The following TMEM154 variants were observed in gnomAD, a reference collection of about 807,000 sequenced individuals.
TMEM154 encodes the protein transmembrane protein 154.
A neutral mutation model predicts 24.5 loss-of-function variants in TMEM154; 27 were observed. The ratio of observed to expected loss-of-function variants is 1.10; its 90% CI spans 0.81 to 1.52. The LOEUF (loss-of-function observed/expected upper bound fraction) is 1.52. Among genes scored for constraint, TMEM154 ranks in the 40% most tolerant of loss-of-function variants. The pLI is 0.00. For missense variants in TMEM154, 228 were observed against 213.4 expected, an observed-to-expected ratio of 1.07 and a Z score of -0.43; for synonymous variants, 67 against 76.8, an observed-to-expected ratio of 0.87 and a Z score of 0.67.
intron 1 of TMEM154, among the ~76,000 whole-genome samples, chr4:152,676,305 G>T (rs1423961611): frequency 6.6e-6 from 1 of 152,138 alleles, no homozygotes; most frequent in Admixed American, 6.6e-5. Context: ...GTTCTGTGCT[G>T]CACCTACAGC....
intron 1 of TMEM154, among the ~76,000 whole-genome samples, chr4:152,670,542 C>A (rs1215381252): frequency 6.6e-6 from 1 of 152,052 alleles, no homozygotes; most frequent in Non-Finnish European, 1.5e-5. Context: ...GTTGCAGGAG[C>A]AGAGATTGCA....
intron 1 of TMEM154, among the ~76,000 whole-genome samples, chr4:152,671,746 CAAAAAAAAAAA>C (rs10670541): frequency 3.0e-5 from 2 of 66,756 alleles, no homozygotes; most frequent in East Asian, 4.6e-4. Context: ...GACTCCGTCT[CAAAAAAAAAAA>C]AAAAAAAAAA....
rs994908657 is a variant in TMEM154, at chr4:152,624,683, A to G, written c.*3863T>C. 2 of 152,234 alleles carry G rather than the reference A, an allele frequency of 1.3e-5. No individual in the cohort carries two copies. Among genetic ancestry groups the G allele is most frequent in the Non-Finnish European group, 2.9e-5 (2 of 68,042 alleles). 9.4% of individuals were successfully genotyped at this position (152,234 alleles called of 1,614,324 possible). On this transcript the variant is annotated 3_prime_UTR_variant, in exon 7 of 7. Transcript: ENST00000304385. Reference sequence around the variant, plus strand: ...AAATAAAACTTTGGTGCCAGACAAGACAGTATCAAGATAAAGCCAAAGAGT... The same window carrying G: ...AAATAAAACTTTGGTGCCAGACAAGGCAGTATCAAGATAAAGCCAAAGAGT...
Position 152,628,072 on chromosome 4 carries a change from T to C in TMEM154, c.*474A>G, listed in dbSNP as rs76127366. On this transcript the variant is annotated 3_prime_UTR_variant, in exon 7 of 7. Coordinates refer to ENST00000304385, the MANE Select transcript of TMEM154 (RefSeq NM_152680.3). Reference sequence around the variant, plus strand: ...CTCCTCGAGAAAAGTTCCTGCTGAATGTAGTTTACCTGTCCCACGACTTGA... The same window carrying C: ...CTCCTCGAGAAAAGTTCCTGCTGAACGTAGTTTACCTGTCCCACGACTTGA... The C allele has an allele frequency of 9.9e-3, 1,668 of 167,852 alleles. 28 individuals carry two copies. Among genetic ancestry groups the C allele is most frequent in the African/African-American group, 0.038 (1,580 of 41,738 alleles). The allele number at this position is 167,852 out of a possible 1,614,324, so 10.4% of individuals were successfully genotyped here.
intron 4 of TMEM154, among the ~76,000 whole-genome samples, 199 bp downstream of exon 4, chr4:152,644,216 C>G (rs1280730499): frequency 1.3e-5 from 2 of 152,146 alleles, no homozygotes; most frequent in Non-Finnish European, 2.9e-5. Flanking sequence ...CTGTCTTTGC[C>G]CAGATCACAC....
intron 1 of TMEM154, among the ~76,000 whole-genome samples, chr4:152,671,031 T>A (rs1199659277): frequency 6.6e-6 from 1 of 152,150 alleles, no homozygotes; most frequent in African/African-American, 2.4e-5. Context: ...GAGGAAGACA[T>A]TCATTGCATT....
intron 6 of TMEM154, among the ~76,000 whole-genome samples, chr4:152,632,137 C>T (rs934451335): frequency 6.6e-6 from 1 of 152,130 alleles, no homozygotes; most frequent in African/African-American, 2.4e-5. Context: ...TGATTTCTGA[C>T]TTGTGTGTCA....
At chr4:152,633,995 C>T (rs1283946820) in intron 6 of TMEM154, among the ~76,000 whole-genome samples, 1 of 131,760 alleles carries the variant, frequency 7.6e-6, no homozygotes, top group Non-Finnish European at 1.6e-5. Flanking sequence ...CACCACTGCA[C>T]TCTAGTCGTC....
At chr4:152,631,357 A>G (rs1355928363) in intron 6 of TMEM154, among the ~76,000 whole-genome samples, 1 of 152,214 alleles carries the variant, frequency 6.6e-6, no homozygotes, top group Non-Finnish European at 1.5e-5. Context: ...AACCTTTTAC[A>G]AAGCTTAGTT....
In TMEM154 at chr4:152,620,037, G is replaced by A. The variant is rs1409774655; in HGVS notation, c.*8509C>T. ...CACTTGAGCTCAGGCTGAATCCCAAGCAATGCTGATTTTGCTGTTCTCCAC... is the reference window on the plus strand; with the variant it reads ...CACTTGAGCTCAGGCTGAATCCCAAACAATGCTGATTTTGCTGTTCTCCAC... On this transcript the variant is annotated 3_prime_UTR_variant, in exon 7 of 7. Transcript: ENST00000304385. 1 of 152,216 alleles carries A rather than the reference G, an allele frequency of 6.6e-6. No individual in the cohort carries two copies. The highest frequency in any genetic ancestry group is 1.9e-4 in the East Asian group (1 of 5,198). 9.4% of individuals were successfully genotyped at this position (152,216 alleles called of 1,614,324 possible).
chr4:152,654,552 A>G (rs559945243), intron 1 of TMEM154, among the ~76,000 whole-genome samples: 1 of 152,306 alleles, frequency 6.6e-6, no homozygotes, highest in Admixed American at 6.5e-5. Context: ...CCTCAATGTG[A>G]TGGATTAGGG....
In TMEM154 at chr4:152,629,696, A is replaced by G. The variant is rs79150431; in HGVS notation, c.537-1135T>C. Among the ~76,000 whole-genome samples the G allele has an allele frequency of 2.5e-3, 376 of 152,278 alleles. 1 individual carries two copies. The highest frequency in any genetic ancestry group is 8.6e-3 in the African/African-American group (359 of 41,556). On this transcript the variant is annotated intron_variant, in intron 6 of 6. Coordinates refer to ENST00000304385, the MANE Select transcript of TMEM154 (RefSeq NM_152680.3). ...GATCTGGTATCTCCCTCGCTCATAG[A>G]TGTGGATAGTCTGCAATAGGTGATA...
In TMEM154 at chr4:152,652,573, G is replaced by A. The variant is rs761135437; in HGVS notation, c.329C>T (p.Pro110Leu). Residue 110 changes from proline (P) to leucine (L), a missense_variant, in exon 3 of 7, where the codon CCT (proline) becomes CTT (leucine). Pro to Leu is a moderately conservative substitution (Grantham distance 98). Coordinates refer to ENST00000304385, the MANE Select transcript of TMEM154 (RefSeq NM_152680.3). ...YYKRKRTKQE[P>L]SSQGSQSALQ... The stretch of plus-strand genomic sequence containing the variant: ...AGCACTCTGAGATCCTTGGCTAGAA[G>A]GTTCTGTATCAAAGCAAAGAATATT... 16 of 1,613,812 alleles carry A rather than the reference G, an allele frequency of 9.9e-6. No individual in the cohort carries two copies. The South Asian group carries it at 1.5e-4, about 16-fold the overall frequency.
chr4:152,675,310 A>T (rs773067129), intron 1 of TMEM154, among the ~76,000 whole-genome samples: 3 of 152,106 alleles, frequency 2.0e-5, no homozygotes, highest in African/African-American at 4.8e-5. Flanking sequence ...AGGGAAAAAA[A>T]CCCAAAGCAC....
intron 1 of TMEM154, 80 bp downstream of exon 1, chr4:152,679,790 C>T: frequency 1.3e-6 from 2 of 1,545,868 alleles, no homozygotes; most frequent in Non-Finnish European, 1.8e-6. Context: ...TCACCCTCCC[C>T]GGCAGAGTTC....
Position 152,632,770 on chromosome 4 carries a change from C to T in TMEM154, c.537-4209G>A, listed in dbSNP as rs184517941. On this transcript the variant is annotated intron_variant, in intron 6 of 6. Coordinates refer to ENST00000304385, the MANE Select transcript of TMEM154 (RefSeq NM_152680.3). ...GCTTTTTTAGCATAGTAGATAAGAG[C>T]CCTGGGTCAGTTGTCCTGAGTCTGA... Among the ~76,000 whole-genome samples, 7 of 152,220 alleles carry T rather than the reference C, an allele frequency of 4.6e-5. No homozygotes were observed. The East Asian group carries it at 1.2e-3, about 25-fold the overall frequency.
chr4:152,634,050 A>AG (rs1752101683), intron 6 of TMEM154, among the ~76,000 whole-genome samples: 1 of 151,226 alleles, frequency 6.6e-6, no homozygotes, highest in Non-Finnish European at 1.5e-5. Flanking sequence ...AAAAAAAAAA[A>AG]AAAAAAAGAA....
rs761025435 is a variant in TMEM154 at position 152,646,975 on chromosome 4, AAT to A, written c.365-2535_365-2534del. ...AGACCTCACACATCAAGACACTGCA[AAT>A]TTCATACCAGGAGGTCTAGGAAGAA... On this transcript the variant is annotated intron_variant, in intron 3 of 6. Transcript: ENST00000304385. 3.2e-5 allele frequency: 23 copies of A among 708,264 alleles called. No individual in the cohort carries two copies. The South Asian group carries it at 3.2e-4, about 10-fold the overall frequency. The allele number at this position is 708,264 out of a possible 1,614,324, so 43.9% of individuals were successfully genotyped here. A position where few individuals can be genotyped will look rare whatever the true frequency, so the allele number is the denominator to read the frequency against.
intron 1 of TMEM154, among the ~76,000 whole-genome samples, chr4:152,667,400 T>C (rs1365303588): frequency 6.6e-6 from 1 of 151,452 alleles, no homozygotes; most frequent in Non-Finnish European, 1.5e-5. Context: ...GCATCCTAAA[T>C]AATGAGACTT....
Sources: gnomAD v4.1 joint callset for allele counts (sites outside exome capture counted in the v4.1 genomes callset) on GRCh38, gnomAD v4.1.1 for gene constraint, MANE v1.5 for transcripts, NCBI Gene and HGNC (gene_info 2026-07-23, HGNC 2026-07-21) for gene names.